The following MAST1 variants were observed in gnomAD, a reference collection of about 807,000 sequenced individuals.
MAST1 encodes microtubule associated serine/threonine kinase 1, also known as microtubule-associated serine/threonine-protein kinase 1.
In MAST1, 40 loss-of-function variants were observed where a neutral mutation model predicts 124.6. That is an observed-to-expected ratio of 0.32 (90% CI 0.25 to 0.42). The LOEUF (loss-of-function observed/expected upper bound fraction) is 0.42, where lower values mean the gene tolerates loss of function less well. Among genes scored for constraint, MAST1 ranks in the 10% least tolerant of loss-of-function variants. The pLI is 1.00. For missense variants in MAST1, 1,558 were observed against 2,181.9 expected, an observed-to-expected ratio of 0.71 and a Z score of 5.70; for synonymous variants, 938 against 939.4, an observed-to-expected ratio of 1.00 and a Z score of 0.03.
rs1383379075 is a variant in MAST1 at position 12,867,731 on chromosome 19, A to C, written c.2320A>C (p.Lys774Gln). The C allele has an allele frequency of 1.3e-6, 2 of 1,531,934 alleles. No individual in the cohort carries two copies. The highest frequency in any genetic ancestry group is 2.4e-5 in the East Asian group (1 of 42,110). 94.9% of individuals were successfully genotyped at this position (1,531,934 alleles called of 1,614,324 possible). ...KTWRGGSPEI[K>Q]RFSASEASFL... is the part of the protein sequence containing the mutation. Reference sequence around the variant, plus strand: ...CATAACCACGCCCCCTCCATGCAGCAAGCGATTCTCCGCGTCCGAGGCCAG... The same window carrying C: ...CATAACCACGCCCCCTCCATGCAGCCAGCGATTCTCCGCGTCCGAGGCCAG... Residue 774 changes from lysine to glutamine, a missense_variant and splice_region_variant, in exon 20 of 26, where the codon AAG becomes CAG. Coordinates refer to ENST00000251472, the MANE Select transcript of MAST1 (RefSeq NM_014975.3).
chr19:12,866,197 G>A lies in MAST1; in HGVS notation c.2029+95G>A. ...AAAGCCTGGGATAGGGCCTGGCTAA[G>A]TACCAAGATGTGATGCCTAGGTGCG... On this transcript the variant is annotated intron_variant, in intron 17 of 25. Transcript: ENST00000251472. This position sits in a 1 kb window ranked among gnomAD's most constrained non-coding sequence, Gnocchi z 5.2. The A allele has an allele frequency of 7.3e-7, 1 of 1,371,860 alleles. No individual in the cohort carries two copies. The allele number at this position is 1,371,860 out of a possible 1,614,324, so 85.0% of individuals were successfully genotyped here. A position where few individuals can be genotyped will look rare whatever the true frequency, so the allele number is the denominator to read the frequency against.
intron 12 of MAST1, among the ~76,000 whole-genome samples, chr19:12,864,477 AG>A (rs1191233714): frequency 6.6e-6 from 1 of 151,990 alleles, no homozygotes; most frequent in East Asian, 1.9e-4. Flanking sequence ...CAGGAGATAG[AG>A]GGCTGTGCTT....
rs1390168608 is a variant in MAST1 at position 12,874,120 on chromosome 19, C to T, written c.3963C>T (p.Gly1321=). Residue 1321 remains glycine, a synonymous_variant, in exon 26 of 26, where the codon GGC becomes GGT. Transcript: ENST00000251472. This position sits in a 1 kb window ranked among gnomAD's most constrained non-coding sequence, Gnocchi z 6.6. ...DGETPPVEGL[G]APRQVAVRRL... ...AGACGCCCCCAGTCGAGGGCCTTGG[C>T]GCGCCCCGGCAGGTCGCCGTCCGCC... 5 of 1,545,468 alleles carry T rather than the reference C, an allele frequency of 3.2e-6. No individual in the cohort carries two copies. Among genetic ancestry groups the T allele is most frequent in the East Asian group, 4.8e-5 (2 of 41,476 alleles).
chr19:12,852,433 C>A, intron 10 of MAST1, 38 bp downstream of exon 10: 1 of 1,457,944 alleles, frequency 6.9e-7, no homozygotes, highest in African/African-American at 1.4e-5. Flanking sequence ...ACCCTGGTTC[C>A]TGGGAGGGCA....
At chr19:12,869,538 A>C (rs987953217) in intron 22 of MAST1, among the ~76,000 whole-genome samples, 1 of 152,044 alleles carries the variant, frequency 6.6e-6, no homozygotes, top group African/African-American at 2.4e-5. Flanking sequence ...AGTTCAAGCC[A>C]TTCTCCTGCC....
intron 12 of MAST1, among the ~76,000 whole-genome samples, chr19:12,860,601 C>T (rs762733182): frequency 2.9e-4 from 44 of 151,530 alleles, no homozygotes; most frequent in Non-Finnish European, 5.7e-4. Flanking sequence ...TGTGCCACCA[C>T]ACCTGGCTAA....
chr19:12,873,310 T>A lies in MAST1; in HGVS notation c.3264-14T>A. Reference sequence around the variant, plus strand: ...TCCAGGTCAAGGACGCTTGGCCCCCTCCCTGTCCCGCAGCAAGAAGCGCAG... The same window carrying A: ...TCCAGGTCAAGGACGCTTGGCCCCCACCCTGTCCCGCAGCAAGAAGCGCAG... On this transcript the variant is annotated splice_polypyrimidine_tract_variant and intron_variant, in intron 24 of 25. Transcript: ENST00000251472. The A allele has an allele frequency of 6.2e-7, 1 of 1,610,306 alleles. No homozygotes were observed. Among genetic ancestry groups the A allele is most frequent in the Non-Finnish European group, 8.5e-7 (1 of 1,177,296 alleles).
intron 7 of MAST1, among the ~76,000 whole-genome samples, chr19:12,851,565 C>T (rs1392982901): frequency 1.3e-5 from 2 of 152,192 alleles, no homozygotes; most frequent in South Asian, 2.1e-4. Context: ...TGGCTCACTG[C>T]AACTTCTGCC....
chr19:12,852,364 C>T lies in MAST1; in HGVS notation c.1046C>T (p.Ser349Phe), dbSNP rs1969972741. 2 of 1,614,084 alleles carry T rather than the reference C, an allele frequency of 1.2e-6. No individual in the cohort carries two copies. The highest frequency in any genetic ancestry group is 1.7e-6 in the Non-Finnish European group (2 of 1,180,002). Residue 349 changes from serine to phenylalanine, a missense_variant, in exon 10 of 26, where the codon TCC becomes TTC. Physicochemically the swap from Ser to Phe is radical, Grantham distance 155. Around this residue, in one of 10 missense-constraint regions of MAST1, gnomAD observed 136 missense variants for 160.9 expected, o/e 0.85. Transcript: ENST00000251472. The stretch of plus-strand genomic sequence containing the variant: ...CTGGAGGAACAGGACAGTGGTGGTT[C>T]CAACACCCCTGAGCAAGACGATCTC... ...VHLEEQDSGG[S>F]NTPEQDDLSE...
intron 4 of MAST1, among the ~76,000 whole-genome samples, chr19:12,845,135 C>A (rs1219143088): frequency 6.6e-6 from 1 of 152,002 alleles, no homozygotes; most frequent in African/African-American, 2.4e-5. Flanking sequence ...AACCCTGTCT[C>A]TAGTAAAAAT....
At position 12,865,714 on chromosome 19, in the gene MAST1, C is replaced by T. The variant is rs1200689076; in HGVS notation, c.1805-3C>T. 4.4e-6 allele frequency: 7 copies of T among 1,604,504 alleles called. No individual in the cohort carries two copies. Among genetic ancestry groups the T allele is most frequent in the African/African-American group, 1.3e-5 (1 of 74,386 alleles). On this transcript the variant is annotated splice_region_variant and splice_polypyrimidine_tract_variant and intron_variant, in intron 15 of 25. Coordinates refer to ENST00000251472, the MANE Select transcript of MAST1 (RefSeq NM_014975.3). The surrounding 1 kb of genome is among the most constrained non-coding windows in gnomAD (Gnocchi z 7.1). ...CGCCCCTAAGTTCCGTTTTGTTTTG[C>T]AGATGACATCCTGTGGCCCGAGGGG...
chr19:12,868,648 C>T lies in MAST1; in HGVS notation c.2572C>T (p.Arg858Cys), dbSNP rs754684491. The change falls in exon 21 of 26, where the codon CGT becomes TGT. Residue 858 changes from arginine (R) to cysteine (C), a missense_variant. Transcript: ENST00000251472. ...ACACTTGCTTTCTGTTGCAGCTGAC[C>T]GTCCACGCCCAGGTGACCTCTGCCC... ...SSAGDSEATD[R>C]PRPGDLCPPS... The T allele has an allele frequency of 7.6e-6, 12 of 1,580,902 alleles. No homozygotes were observed. Among genetic ancestry groups the T allele is most frequent in the Admixed American group, 7.3e-5 (4 of 54,726 alleles).
intron 1 of MAST1, 134 bp from the exon 2 acceptor site, chr19:12,840,312 A>G (rs1318137128): frequency 7.8e-6 from 5 of 641,950 alleles, no homozygotes; most frequent in Non-Finnish European, 1.4e-5. Context: ...TCTTCGAGAA[A>G]CCCTCCCAGG....
chr19:12,840,356 G>A (rs1969810545), intron 1 of MAST1, 90 bp from the exon 2 acceptor site: 3 of 800,590 alleles, frequency 3.7e-6, no homozygotes, highest in South Asian at 3.0e-5. Context: ...GGAGATAGGC[G>A]GGGATCTGAG....
chr19:12,840,629 A>C, intron 2 of MAST1, 95 bp downstream of exon 2: 1 of 913,264 alleles, frequency 1.1e-6, no homozygotes, highest in South Asian at 1.4e-5. Context: ...GAAGGGGCGC[A>C]GTTTGAATGG....
At position 12,874,619 on chromosome 19, in the gene MAST1, C is replaced by A; in HGVS notation, c.4462C>A (p.Arg1488Ser). The A allele has an allele frequency of 6.6e-7, 1 of 1,511,862 alleles. No homozygotes were observed. The highest frequency in any genetic ancestry group is 8.8e-7 in the Non-Finnish European group (1 of 1,130,470). The allele number at this position is 1,511,862 out of a possible 1,614,324, so 93.7% of individuals were successfully genotyped here. Residue 1488 changes from arginine (R) to serine (S), a missense_variant, in exon 26 of 26, where the codon CGC becomes AGC. By Grantham distance (110) the Arg-to-Ser change is moderately radical. Transcript: ENST00000251472. The surrounding 1 kb of genome is among the most constrained non-coding windows in gnomAD (Gnocchi z 6.6). ...CTGGGTGTTGGAGGTGGTGGAGGAGCGCACCACGCTGAGCGGTCCTCGCTC... is the reference window on the plus strand; with the variant it reads ...CTGGGTGTTGGAGGTGGTGGAGGAGAGCACCACGCTGAGCGGTCCTCGCTC... The part of the protein sequence containing the change: ...ERWVLEVVEE[R>S]TTLSGPRSKP...
intron 9 of MAST1, 32 bp downstream of exon 9, chr19:12,852,279 G>C (rs1969971418): frequency 6.2e-7 from 1 of 1,613,944 alleles, no homozygotes; most frequent in Admixed American, 1.7e-5. Context: ...GGGACTGGGG[G>C]TGAGCAGGCC....
In MAST1 at chr19:12,845,971, AC is replaced by A. The variant is rs532699667; in HGVS notation, c.328-1318del. ...ACCGAGCCCTGCCCTCAGTCCCAGA[AC>A]TTTGAGAGGCCAAAGTGGGAGTATT... is the stretch of plus-strand genomic sequence containing the variant. On this transcript the variant is annotated intron_variant, in intron 4 of 25. Transcript: ENST00000251472. 1.4e-3 allele frequency among the ~76,000 whole-genome samples: 215 copies of A among 150,930 alleles called. 1 individual carries two copies. Among genetic ancestry groups the A allele is most frequent in the African/African-American group, 5.2e-3 (212 of 41,104 alleles).
Position 12,843,713 on chromosome 19 carries a change from GT to G in MAST1, c.327+109del. 1.1e-6 allele frequency: 1 copy of G among 934,662 alleles called. No individual in the cohort carries two copies. The highest frequency in any genetic ancestry group is 1.6e-6 in the Non-Finnish European group (1 of 614,776). 57.9% of individuals were successfully genotyped at this position (934,662 alleles called of 1,614,324 possible). A position where few individuals can be genotyped will look rare whatever the true frequency, so the allele number is the denominator to read the frequency against. ...GCAGTCCAGGCTGGGCTTGATGACA[GT>G]TTAGGGCCAGGCTCAGTGACTCAAG... is the stretch of plus-strand genomic sequence containing the variant. On this transcript the variant is annotated intron_variant, in intron 4 of 25. Coordinates refer to ENST00000251472, the MANE Select transcript of MAST1 (RefSeq NM_014975.3). The surrounding 1 kb of genome is among the most constrained non-coding windows in gnomAD (Gnocchi z 4.9).
Sources: allele counts gnomAD v4.1 joint callset (sites outside exome capture counted in the v4.1 genomes callset), GRCh38; gene constraint gnomAD v4.1.1; regional missense constraint gnomAD v4.1.1; non-coding constraint Gnocchi (gnomAD v3.1); transcripts MANE v1.5; gene names NCBI Gene and HGNC (gene_info 2026-07-23, HGNC 2026-07-21).